Variants in CCDC178 observed in about 807,000 individuals in gnomAD.
CCDC178 encodes the protein coiled-coil domain-containing protein 178.
In CCDC178, 126 loss-of-function variants were observed where a neutral mutation model predicts 117.4. The observed-to-expected ratio is 1.07, with a 90% confidence interval of 0.93 to 1.24. The LOEUF (loss-of-function observed/expected upper bound fraction) is 1.24, where lower values mean the gene tolerates loss of function less well. Among genes scored for constraint, CCDC178 ranks in the 50% most tolerant of loss-of-function variants. CCDC178 has a pLI of 0.00. For synonymous variants in CCDC178, 283 were observed against 313.4 expected (o/e 0.90, Z 1.02); for missense variants, 1,030 against 986.9 (o/e 1.04, Z -0.59).
intron 5 of CCDC178, among the ~76,000 whole-genome samples, chr18:33,388,354 T>C (rs2063522158): frequency 6.6e-6 from 1 of 152,044 alleles, no homozygotes; most frequent in Non-Finnish European, 1.5e-5. Context: ...AGCAACTGCA[T>C]TACTGGATAT....
rs2059832596 is a variant in CCDC178 at position 33,267,412 on chromosome 18, A to G, written c.1177-115T>C. ...ATTTGTTTCAGTTACATAAAAATTG[A>G]AAAACAATAGAAAATTCGGAATCAT... On this transcript the variant is annotated intron_variant, in intron 12 of 22. Coordinates refer to ENST00000383096, the MANE Select transcript of CCDC178 (RefSeq NM_001105528.4). The G allele has an allele frequency of 5.1e-6, 3 of 584,898 alleles. No homozygotes were observed. The South Asian group carries it at 9.9e-5, about 19-fold the overall frequency. The allele number at this position is 584,898 out of a possible 1,614,324, so 36.2% of individuals were successfully genotyped here. A position where few individuals can be genotyped will look rare whatever the true frequency, so the allele number is the denominator to read the frequency against.
At chr18:33,263,251 G>A (rs897167183) in intron 14 of CCDC178, among the ~76,000 whole-genome samples, 5 of 151,962 alleles carry the variant, frequency 3.3e-5, no homozygotes, top group African/African-American at 1.2e-4. Flanking sequence ...GAGATGAAGT[G>A]GGAGTTTTAA....
At chr18:33,235,596 G>C (rs1454167374) in intron 15 of CCDC178, among the ~76,000 whole-genome samples, 1 of 151,988 alleles carries the variant, frequency 6.6e-6, no homozygotes, top group Non-Finnish European at 1.5e-5. Context: ...TTTCCACTTA[G>C]TTCTAGCACT....
At chr18:33,240,111 C>A (rs2059469890) in intron 15 of CCDC178, among the ~76,000 whole-genome samples, 1 of 151,650 alleles carries the variant, frequency 6.6e-6, no homozygotes, top group Non-Finnish European at 1.5e-5. Flanking sequence ...AAATGCATGG[C>A]ATTTAAACAA....
chr18:33,268,548 C>G (rs953568110), intron 12 of CCDC178, among the ~76,000 whole-genome samples: 11 of 151,740 alleles, frequency 7.2e-5, no homozygotes, highest in African/African-American at 4.8e-5. Flanking sequence ...ATTTCACTTG[C>G]ATAATCTTGG....
In CCDC178 at chr18:33,412,026, CT is replaced by C; in HGVS notation, c.58+4del. On this transcript the variant is annotated splice_donor_region_variant and intron_variant, in intron 3 of 22. Coordinates refer to ENST00000383096, the MANE Select transcript of CCDC178 (RefSeq NM_001105528.4). ...TCAAAGAAAATCAATTTATGATAAA[CT>C]TACCTATATTGGTTTGATCATCTCT... is the stretch of plus-strand genomic sequence containing the variant. The C allele has an allele frequency of 7.1e-7, 1 of 1,403,484 alleles. No individual in the cohort carries two copies. The highest frequency in any genetic ancestry group is 1.3e-5 in the South Asian group (1 of 77,628). 86.9% of individuals were successfully genotyped at this position (1,403,484 alleles called of 1,614,324 possible). A position where few individuals can be genotyped will look rare whatever the true frequency, so the allele number is the denominator to read the frequency against.
At chr18:33,019,511 A>G (rs2056066999) in intron 21 of CCDC178, among the ~76,000 whole-genome samples, 1 of 152,194 alleles carries the variant, frequency 6.6e-6, no homozygotes, top group African/African-American at 2.4e-5. Flanking sequence ...TGGTTCCTAG[A>G]TTAAGAGATG....
At chr18:33,171,010 T>G (rs2058592898) in intron 20 of CCDC178, among the ~76,000 whole-genome samples, 1 of 152,222 alleles carries the variant, frequency 6.6e-6, no homozygotes, top group African/African-American at 2.4e-5. Context: ...TCCACTCATT[T>G]CTGGATTACA....
At chr18:33,318,307 A>AT (rs2062448293) in intron 11 of CCDC178, among the ~76,000 whole-genome samples, 1 of 152,194 alleles carries the variant, frequency 6.6e-6, no homozygotes, top group African/African-American at 2.4e-5. Flanking sequence ...AGTAAAATGA[A>AT]TATCAGGGAG....
chr18:33,028,554 G>C (rs1355317677), intron 21 of CCDC178, among the ~76,000 whole-genome samples: 1 of 151,628 alleles, frequency 6.6e-6, no homozygotes, highest in Admixed American at 6.6e-5. Context: ...TTGATATAAA[G>C]TTATGATGTT....
At chr18:33,102,744 G>A (rs956343173) in intron 20 of CCDC178, among the ~76,000 whole-genome samples, 3 of 151,716 alleles carry the variant, frequency 2.0e-5, no homozygotes, top group African/African-American at 7.3e-5. Flanking sequence ...ACCATTTCGG[G>A]ATGTATCTAC....
intron 20 of CCDC178, among the ~76,000 whole-genome samples, chr18:33,156,082 C>CTTTTT (rs755685926): frequency 2.1e-4 from 21 of 98,038 alleles, no homozygotes; most frequent in East Asian, 3.6e-4. Context: ...CTAGAAAACA[C>CTTTTT]TTTTTTTTTT....
At chr18:33,004,455 C>G (rs2055708743) in intron 21 of CCDC178, among the ~76,000 whole-genome samples, 1 of 152,018 alleles carries the variant, frequency 6.6e-6, no homozygotes, top group African/African-American at 2.4e-5. Flanking sequence ...AAACAAGACC[C>G]TTATCTCTTT....
At chr18:33,112,214 G>A (rs957077509) in intron 20 of CCDC178, among the ~76,000 whole-genome samples, 1 of 151,720 alleles carries the variant, frequency 6.6e-6, no homozygotes, top group Non-Finnish European at 1.5e-5. Flanking sequence ...AGCTCCGTAA[G>A]ATGACCCCTC....
intron 21 of CCDC178, among the ~76,000 whole-genome samples, chr18:33,012,357 G>A (rs563157178): frequency 2.0e-5 from 3 of 152,210 alleles, no homozygotes; most frequent in African/African-American, 7.2e-5. Context: ...CAATCACCAG[G>A]ATAAAGTAAG....
At position 33,344,310 on chromosome 18, in the gene CCDC178, CAAAAAAAAAAAAA is replaced by C. The variant is rs58987470; in HGVS notation, c.658+1888_658+1900del. 8.7e-5 allele frequency among the ~76,000 whole-genome samples: 7 copies of C among 80,814 alleles called. No homozygotes were observed. In the South Asian group the frequency reaches 3.0e-3, roughly 34 times the overall value. 53.0% of individuals were successfully genotyped at this position (80,814 alleles called of 152,430 possible). A position where few individuals can be genotyped will look rare whatever the true frequency, so the allele number is the denominator to read the frequency against. On this transcript the variant is annotated intron_variant, in intron 9 of 22. Transcript: ENST00000383096. ...TGGGCGACAGAGCGAGACTCCGTCTCAAAAAAAAAAAAAAAAAAAAAAAATACATAACAATAAT... is the reference window on the plus strand; with the variant it reads ...TGGGCGACAGAGCGAGACTCCGTCTCAAAAAAAAAAATACATAACAATAAT...
intron 20 of CCDC178, among the ~76,000 whole-genome samples, chr18:33,145,804 A>G (rs271500): frequency 0.16 from 24,540 of 152,198 alleles, 2,772 homozygotes; most frequent in African/African-American, 0.32. Flanking sequence ...AAAATGAACC[A>G]GTGCCCTTTG....
intron 20 of CCDC178, among the ~76,000 whole-genome samples, chr18:33,181,741 C>T (rs530561398): frequency 1.3e-5 from 2 of 151,776 alleles, no homozygotes; most frequent in Admixed American, 6.6e-5. Flanking sequence ...TATCTAAACT[C>T]TGATTGAATT....
chr18:33,363,118 T>G (rs1490482742), intron 6 of CCDC178, among the ~76,000 whole-genome samples: 1 of 151,966 alleles, frequency 6.6e-6, no homozygotes, highest in Non-Finnish European at 1.5e-5. Flanking sequence ...CTAAAAAAAT[T>G]TTATTTAAAA....
Sources: gnomAD v4.1 joint callset for allele counts (sites outside exome capture counted in the v4.1 genomes callset) on GRCh38, gnomAD v4.1.1 for gene constraint, MANE v1.5 for transcripts, NCBI Gene and HGNC (gene_info 2026-07-23, HGNC 2026-07-21) for gene names.